Variants in POLE4 observed in about 807,000 individuals in gnomAD.
POLE4 encodes the protein DNA polymerase epsilon 4, accessory subunit, also known as DNA polymerase epsilon subunit 4.
A neutral mutation model predicts 15.6 loss-of-function variants in POLE4; 15 were observed. The observed-to-expected ratio is 0.96, with a 90% CI of 0.64 to 1.48. The LOEUF (loss-of-function observed/expected upper bound fraction) is 1.48, where lower values mean the gene tolerates loss of function less well. Ranked by LOEUF, POLE4 falls within the 40% of genes most tolerant of loss-of-function variation. POLE4 has a pLI of 0.00. For synonymous variants in POLE4, 83 were observed against 63.2 expected (o/e 1.31, Z -1.49); for missense variants, 205 against 151.9 (o/e 1.35, Z -1.84).
chr2:74,958,674 G>C lies in POLE4; in HGVS notation c.-6G>C. On this transcript the variant is annotated 5_prime_UTR_variant, in exon 1 of 4. Transcript: ENST00000483063. The stretch of plus-strand genomic sequence containing the variant: ...GGCGGCCGCGCGCAGCACGCTCAAG[G>C]CCGGGATGGCGGCGGCGGCGGCGGC... The C allele has an allele frequency of 6.9e-7, 1 of 1,451,928 alleles. No individual in the cohort carries two copies. The allele number at this position is 1,451,928 out of a possible 1,614,324, so 89.9% of individuals were successfully genotyped here.
At chr2:74,966,637 T>C (rs1671300070) in intron 3 of POLE4, among the ~76,000 whole-genome samples, 1 of 152,196 alleles carries the variant, frequency 6.6e-6, no homozygotes, top group South Asian at 2.1e-4. Context: ...ACTCCTGACC[T>C]CAAGTCATCT....
chr2:74,965,845 A>C (rs1001720020), intron 3 of POLE4, among the ~76,000 whole-genome samples: 3 of 152,186 alleles, frequency 2.0e-5, no homozygotes, highest in Admixed American at 1.3e-4. Context: ...TTTGCACGGT[A>C]CGGATTTTTG....
intron 3 of POLE4, among the ~76,000 whole-genome samples, chr2:74,963,914 A>G (rs940590955): frequency 2.0e-5 from 3 of 149,592 alleles, no homozygotes; most frequent in Admixed American, 6.6e-5. Flanking sequence ...AAATGTATCA[A>G]TTTTTTTCCT....
chr2:74,960,244 G>A, intron 3 of POLE4, 98 bp downstream of exon 3: 3 of 1,031,946 alleles, frequency 2.9e-6, no homozygotes, highest in African/African-American at 1.6e-5. Context: ...TCTTGTTTGT[G>A]TAGGGATAAT....
At chr2:74,959,636 C>G (rs951194269) in intron 2 of POLE4, 3 of 510,838 alleles carry the variant, frequency 5.9e-6, no homozygotes, top group South Asian at 5.6e-5. Flanking sequence ...CTGGGGTTGC[C>G]GTAGCGGACT....
intron 3 of POLE4, among the ~76,000 whole-genome samples, chr2:74,964,685 G>GT (rs1170768096): frequency 6.6e-6 from 1 of 151,836 alleles, no homozygotes; most frequent in Admixed American, 6.6e-5. Flanking sequence ...GTTATTCTTA[G>GT]TTTTTTTACT....
chr2:74,958,792 T>C lies in POLE4; in HGVS notation c.113T>C (p.Leu38Pro), dbSNP rs752918276. 7.1e-6 allele frequency: 11 copies of C among 1,552,096 alleles called. No homozygotes were observed. The highest frequency in any genetic ancestry group is 7.8e-6 in the Non-Finnish European group (9 of 1,147,530). Reference sequence around the variant, plus strand: ...CCAACGAGTGTGCCTGGGGCTCGTCTCTCGAGGTTGCCTCTGGCGCGAGTG... The same window carrying C: ...CCAACGAGTGTGCCTGGGGCTCGTCCCTCGAGGTTGCCTCTGGCGCGAGTG... ...QAPTSVPGAR[L>P]SRLPLARVKA... Residue 38 changes from leucine to proline, a missense_variant, in exon 1 of 4, where the codon CTC (leucine) becomes CCC (proline). Coordinates refer to ENST00000483063, the MANE Select transcript of POLE4 (RefSeq NM_019896.4).
intron 3 of POLE4, among the ~76,000 whole-genome samples, chr2:74,968,694 G>T (rs1371099350): frequency 6.6e-6 from 1 of 151,158 alleles, no homozygotes; most frequent in Non-Finnish European, 1.5e-5. Flanking sequence ...GGGGAGGGTT[G>T]TGGGGAGATA....
At chr2:74,966,826 T>G (rs1671302821) in intron 3 of POLE4, among the ~76,000 whole-genome samples, 5 of 152,228 alleles carry the variant, frequency 3.3e-5, no homozygotes. Flanking sequence ...TGAAAATGCC[T>G]TGAATTTCAT....
chr2:74,966,296 A>G (rs1046037119), intron 3 of POLE4, among the ~76,000 whole-genome samples: 3 of 151,962 alleles, frequency 2.0e-5, no homozygotes, highest in African/African-American at 7.2e-5. Context: ...ATTGTCATGT[A>G]TTTTTGTTTT....
At chr2:74,967,285 C>T (rs1671310329) in intron 3 of POLE4, among the ~76,000 whole-genome samples, 1 of 150,110 alleles carries the variant, frequency 6.7e-6, no homozygotes, top group African/African-American at 2.4e-5. Flanking sequence ...CCAGTTTATT[C>T]TCTCCATTTG....
chr2:74,965,651 CTTTCA>C (rs1275356710), intron 3 of POLE4, among the ~76,000 whole-genome samples: 2 of 152,098 alleles, frequency 1.3e-5, no homozygotes, highest in African/African-American at 4.8e-5. Flanking sequence ...TGGGTCTATT[CTTTCA>C]TTATATATTA....
Position 74,969,420 on chromosome 2 carries a change from T to G in POLE4, c.352T>G (p.Ter118GlyextTer8). 6.2e-7 allele frequency: 1 copy of G among 1,613,880 alleles called. No individual in the cohort carries two copies. The highest frequency in any genetic ancestry group is 1.1e-5 in the South Asian group (1 of 91,084). Residue 118 changes from the stop codon to glycine (G), a stop_lost, in exon 4 of 4, where the codon TGA (stop) becomes GGA (glycine). Transcript: ENST00000483063. ...EFAFLEGTLD[*>G] ...CTTTGTATGTTTAGGTACTTTAGAT[T>G]GATTGCCGAGCGGGGCAGTTTTGTG...
chr2:74,965,296 T>G (rs963816582), intron 3 of POLE4, among the ~76,000 whole-genome samples: 1 of 152,112 alleles, frequency 6.6e-6, no homozygotes, highest in Non-Finnish European at 1.5e-5. Flanking sequence ...TTTTGCCATG[T>G]TGGTCAGGCT....
chr2:74,969,394 T>G lies in POLE4; in HGVS notation c.341-15T>G. ...TGAGGTCCCCTGATATACTCATTGC[T>G]CTTTGTATGTTTAGGTACTTTAGAT... On this transcript the variant is annotated splice_polypyrimidine_tract_variant and intron_variant, in intron 3 of 3. Coordinates refer to ENST00000483063, the MANE Select transcript of POLE4 (RefSeq NM_019896.4). 6.2e-7 allele frequency: 1 copy of G among 1,613,500 alleles called. No homozygotes were observed. The highest frequency in any genetic ancestry group is 1.1e-5 in the South Asian group (1 of 91,074).
intron 3 of POLE4, among the ~76,000 whole-genome samples, chr2:74,968,084 A>G (rs7568609): frequency 0.78 from 119,384 of 152,134 alleles, 47,542 homozygotes; most frequent in African/African-American, 0.91. Context: ...AGCAGAAGTA[A>G]CATTAGAGGC....
intron 3 of POLE4, among the ~76,000 whole-genome samples, chr2:74,962,187 A>G (rs1163350096): frequency 1.3e-5 from 2 of 152,146 alleles, no homozygotes; most frequent in African/African-American, 2.4e-5. Flanking sequence ...TAGTTGTATC[A>G]CTAGTTTTAG....
At position 74,958,824 on chromosome 2, in the gene POLE4, T is replaced by G. The variant is rs149307309; in HGVS notation, c.145T>G (p.Leu49Val). 28 of 1,558,558 alleles carry G rather than the reference T, an allele frequency of 1.8e-5. No homozygotes were observed. The highest frequency in any genetic ancestry group is 2.2e-5 in the Non-Finnish European group (25 of 1,151,384). ...SRLPLARVKA[L>V]VKADPDVTLA... ...GTTGCCTCTGGCGCGAGTGAAGGCC[T>G]TGGTGAAGGCAGATCCCGACGTGAC... The change falls in exon 1 of 4, where the codon TTG (leucine) becomes GTG (valine). Residue 49 changes from leucine to valine, a missense_variant. Transcript: ENST00000483063.
intron 2 of POLE4, 53 bp from the exon 3 acceptor site, chr2:74,960,052 C>T (rs1403721175): frequency 6.6e-7 from 1 of 1,516,752 alleles, no homozygotes; most frequent in Non-Finnish European, 9.1e-7. Context: ...TGTTTTCTGA[C>T]TGAGGTCAGC....
Sources: allele counts gnomAD v4.1 joint callset (sites outside exome capture counted in the v4.1 genomes callset), GRCh38; gene constraint gnomAD v4.1.1; transcripts MANE v1.5; gene names NCBI Gene and HGNC (gene_info 2026-07-23, HGNC 2026-07-21).